Variants in DRC3 observed in about 807,000 individuals in gnomAD.
The protein encoded by DRC3 is dynein regulatory complex subunit 3.
A neutral mutation model predicts 57.6 loss-of-function variants in DRC3; 45 were observed. The ratio of observed to expected loss-of-function variants is 0.78; its 90% CI spans 0.62 to 1.00. The LOEUF is 1.00. Among genes scored for constraint, DRC3 ranks in the 50% least tolerant of loss-of-function variants. The pLI is 0.00. For missense variants in DRC3, 655 were observed against 675.2 expected (o/e 0.97, Z 0.33); for synonymous variants, 257 against 272.3 (o/e 0.94, Z 0.55).
chr17:17,977,696 A>AGCTG lies in DRC3; in HGVS notation c.101_104dup (p.Lys36GlyfsTer31). ...CAGGGCCCCCAGGAGGAGGCCGGGC[A>AGCTG]GCTGGCCAAGCAGGAGGGCATCCTC... On this transcript the variant is annotated frameshift_variant, in exon 3 of 14. Coordinates refer to ENST00000399187, the MANE Select transcript of DRC3 (RefSeq NM_031294.4). LOFTEE classifies it high-confidence loss of function. 5 of 1,613,794 alleles carry AGCTG rather than the reference A, an allele frequency of 3.1e-6. No homozygotes were observed. Among genetic ancestry groups the AGCTG allele is most frequent in the Non-Finnish European group, 4.2e-6 (5 of 1,179,822 alleles).
Position 17,987,914 on chromosome 17 carries a change from GC to G in DRC3, c.278-15del. 6.2e-7 allele frequency: 1 copy of G among 1,612,256 alleles called. No individual in the cohort carries two copies. The highest frequency in any genetic ancestry group is 8.5e-7 in the Non-Finnish European group (1 of 1,178,858). On this transcript the variant is annotated splice_polypyrimidine_tract_variant and intron_variant, in intron 4 of 13. Transcript: ENST00000399187. ...CTGACCCAGGCAGCAGACCCTCACA[GC>G]CCTCTCTTCTTCCCAGATCTGTCTT... is the stretch of plus-strand genomic sequence containing the variant.
At chr17:18,000,164 A>C (rs2043648349) in intron 9 of DRC3, among the ~76,000 whole-genome samples, 1 of 140,590 alleles carries the variant, frequency 7.1e-6, no homozygotes, top group African/African-American at 2.7e-5. Flanking sequence ...ATGTATGCAT[A>C]GCATGCCCTG....
chr17:18,000,381 T>TGTGTGC (rs200512999), intron 9 of DRC3, among the ~76,000 whole-genome samples: 4 of 150,070 alleles, frequency 2.7e-5, no homozygotes, highest in African/African-American at 9.8e-5. Flanking sequence ...TGTGTGTGTG[T>TGTGTGC]GCATAGCATG....
Position 17,988,118 on chromosome 17 carries a change from G to A in DRC3, c.444+20G>A, listed in dbSNP as rs373098547. 6.6e-5 allele frequency: 106 copies of A among 1,608,936 alleles called. No individual in the cohort carries two copies. The highest frequency in any genetic ancestry group is 9.3e-5 in the African/African-American group (7 of 74,944). On this transcript the variant is annotated intron_variant, in intron 5 of 13. Transcript: ENST00000399187. ...ATGAACGTGAGTGGCCGCCCAGCCC[G>A]CCCTCACGCACACCTGCAGAGCCTT...
chr17:18,002,306 CTAT>C (rs1293888281), intron 9 of DRC3, among the ~76,000 whole-genome samples: 4 of 152,192 alleles, frequency 2.6e-5, no homozygotes, highest in Non-Finnish European at 5.9e-5. Context: ...GACAGGGTAG[CTAT>C]TATTATGTCA....
intron 5 of DRC3, among the ~76,000 whole-genome samples, chr17:17,988,851 A>C (rs549435389): frequency 6.6e-6 from 1 of 152,208 alleles, no homozygotes; most frequent in East Asian, 1.9e-4. Flanking sequence ...AGCAGGACCA[A>C]ATCCAGGAGG....
At chr17:17,984,189 A>G (rs2042847947) in intron 4 of DRC3, among the ~76,000 whole-genome samples, 2 of 152,308 alleles carry the variant, frequency 1.3e-5, no homozygotes, top group South Asian at 4.1e-4. Flanking sequence ...TTCTGCTCTC[A>G]TCTGCCCAAA....
At chr17:17,979,026 G>C (rs1485289545) in intron 3 of DRC3, among the ~76,000 whole-genome samples, 1 of 152,224 alleles carries the variant, frequency 6.6e-6, no homozygotes, top group African/African-American at 2.4e-5. Flanking sequence ...AAAAAAGGAA[G>C]GAGAGGAGAA....
chr17:18,016,302 G>A, intron 13 of DRC3, 107 bp downstream of exon 13: 3 of 1,249,470 alleles, frequency 2.4e-6, no homozygotes, highest in Non-Finnish European at 3.4e-6. Flanking sequence ...TGAAATGAAG[G>A]AAGAAATAAA....
intron 9 of DRC3, among the ~76,000 whole-genome samples, chr17:18,002,824 C>G (rs1386815892): frequency 2.0e-5 from 3 of 152,194 alleles, no homozygotes; most frequent in African/African-American, 7.2e-5. Flanking sequence ...GATTCAAATT[C>G]AGGTTCACCT....
At chr17:17,994,104 A>G in intron 6 of DRC3, 195 bp from the exon 7 acceptor site, 1 of 658,860 alleles carries the variant, frequency 1.5e-6, no homozygotes, top group Non-Finnish European at 2.4e-6. Flanking sequence ...TGCGCTCACA[A>G]AAACCTGGTG....
chr17:17,975,861 ATTGGGACAT>A (rs992049258), intron 2 of DRC3, among the ~76,000 whole-genome samples: 1 of 152,222 alleles, frequency 6.6e-6, no homozygotes, highest in Non-Finnish European at 1.5e-5. Flanking sequence ...ACAAGAGCTC[ATTGGGACAT>A]TTGATGAGGG....
intron 11 of DRC3, 39 bp from the exon 12 acceptor site, chr17:18,006,985 C>T (rs755734903): frequency 1.2e-6 from 2 of 1,610,164 alleles, no homozygotes; most frequent in South Asian, 2.2e-5. Context: ...ACGCGCCGGG[C>T]CTGCTCCTCC....
At chr17:17,984,181 C>T (rs1166437729) in intron 4 of DRC3, among the ~76,000 whole-genome samples, 1 of 152,202 alleles carries the variant, frequency 6.6e-6, no homozygotes, top group African/African-American at 2.4e-5. Context: ...ACAGAATATT[C>T]TGCTCTCATC....
chr17:17,980,464 T>C (rs1325378147), intron 3 of DRC3, among the ~76,000 whole-genome samples: 1 of 152,024 alleles, frequency 6.6e-6, no homozygotes, highest in African/African-American at 2.4e-5. Context: ...CTGGCTAATT[T>C]TTTTTATTTT....
At chr17:17,990,602 C>T (rs2043182825) in intron 5 of DRC3, among the ~76,000 whole-genome samples, 1 of 152,244 alleles carries the variant, frequency 6.6e-6, no homozygotes, top group Non-Finnish European at 1.5e-5. Flanking sequence ...CTCTGAATCT[C>T]CTAACTGAAA....
At chr17:17,991,984 A>G (rs2043252970) in intron 5 of DRC3, among the ~76,000 whole-genome samples, 1 of 151,920 alleles carries the variant, frequency 6.6e-6, no homozygotes, top group African/African-American at 2.4e-5. Context: ...CTACTTAAAA[A>G]CAAAATAGGG....
At chr17:17,990,567 T>C (rs1385197872) in intron 5 of DRC3, among the ~76,000 whole-genome samples, 1 of 152,234 alleles carries the variant, frequency 6.6e-6, no homozygotes, top group Non-Finnish European at 1.5e-5. Flanking sequence ...AGGTCTCAGA[T>C]TAAATGTCAC....
rs577176773 is a variant in DRC3 at position 17,977,937 on chromosome 17, T to C, written c.160+179T>C. ...ACAGATGTTTGTAAAGCGTCATACT[T>C]AGTGTCTTCATCATTTGAATATCCA... is the stretch of plus-strand genomic sequence containing the variant. On this transcript the variant is annotated intron_variant, in intron 3 of 13. Transcript: ENST00000399187. The C allele has an allele frequency of 7.2e-6, 4 of 553,324 alleles. No homozygotes were observed. The South Asian group carries it at 7.8e-5, about 11-fold the overall frequency. 34.3% of individuals were successfully genotyped at this position (553,324 alleles called of 1,614,324 possible).
Sources: gnomAD v4.1 joint callset for allele counts (sites outside exome capture counted in the v4.1 genomes callset) on GRCh38, gnomAD v4.1.1 for gene constraint, MANE v1.5 for transcripts, NCBI Gene and HGNC (gene_info 2026-07-23, HGNC 2026-07-21) for gene names.